Variants in CCDC141 observed in about 807,000 individuals in gnomAD.
CCDC141 encodes the protein coiled-coil domain-containing protein 141.
In CCDC141, 168 loss-of-function variants were observed where a neutral mutation model predicts 181.0. The ratio of observed to expected loss-of-function variants is 0.93; its 90% confidence interval spans 0.82 to 1.05. The LOEUF (loss-of-function observed/expected upper bound fraction) is 1.05, where lower values mean the gene tolerates loss of function less well. Among genes scored for constraint, CCDC141 ranks in the 50% least tolerant of loss-of-function variants. The probability of loss-of-function intolerance (pLI) is 0.00; values close to 1 mark genes in which losing one functional copy is unlikely to be tolerated. For missense variants in CCDC141, 1,902 were observed against 1,788.5 expected (o/e 1.06, Z -1.14); for synonymous variants, 666 against 642.3 (o/e 1.04, Z -0.56).
chr2:178,976,041 G>C (rs1301736392), intron 3 of CCDC141, among the ~76,000 whole-genome samples: 2 of 152,104 alleles, frequency 1.3e-5, no homozygotes, highest in African/African-American at 4.8e-5. Flanking sequence ...TTTCTCCATA[G>C]AGGCAGTGGG....
At chr2:178,891,773 A>ATC (rs34185031) in intron 8 of CCDC141, among the ~76,000 whole-genome samples, 5,574 of 149,352 alleles carry the variant, frequency 0.037, 275 homozygotes, top group African/African-American at 0.11. Context: ...ATCATATAGG[A>ATC]TCTCTCTCTC....
chr2:178,986,005 A>G (rs1472706244), intron 2 of CCDC141, among the ~76,000 whole-genome samples: 2 of 152,210 alleles, frequency 1.3e-5, no homozygotes, highest in African/African-American at 4.8e-5. Flanking sequence ...CCGGGCAGAG[A>G]CACAACCAAA....
rs539471650 is a variant in CCDC141, at chr2:178,997,474, C to T, written c.226-18799G>A. Among the ~76,000 whole-genome samples, 31 of 152,246 alleles carry T rather than the reference C, an allele frequency of 2.0e-4. 1 individual carries two copies. The South Asian group carries it at 5.0e-3, about 25-fold the overall frequency. On this transcript the variant is annotated intron_variant, in intron 2 of 23. Transcript: ENST00000443758. ...ATGGAGACAGCTACAGGGCATGATA[C>T]CCCAGCATGCCAATGATAATGATTT...
chr2:178,816,948 A>G, the CCDC141 span, among the ~76,000 whole-genome samples: 1 of 152,164 alleles, frequency 6.6e-6, no homozygotes, highest in East Asian at 1.9e-4. Context: ...ACCTAAGAGA[A>G]ATAAGGAATG....
chr2:178,826,821 CAT>C (rs1011433028), downstream of CCDC141, among the ~76,000 whole-genome samples: 10 of 151,930 alleles, frequency 6.6e-5, no homozygotes, highest in Non-Finnish European at 1.5e-4. Context: ...CTTTTGGTCT[CAT>C]TGATTTTCTC....
downstream of CCDC141, among the ~76,000 whole-genome samples, chr2:178,827,715 G>A (rs1403854846): frequency 6.6e-6 from 1 of 152,076 alleles, no homozygotes. Context: ...TCTAGCAATG[G>A]TCTCTGGGAA....
chr2:178,872,272 T>A lies in CCDC141; in HGVS notation c.1940A>T (p.Tyr647Phe). ...NEILDVKNEV[Y>F]LMKNTMENQK... is the part of the protein sequence containing the mutation. ...GTTTTCCATGGTGTTCTTCATGAGG[T>A]ACACTTCATTTTTCACATCTAATAT... Residue 647 changes from tyrosine to phenylalanine, a missense_variant, in exon 13 of 24, where the codon TAC (tyrosine) becomes TTC (phenylalanine). Tyr to Phe is a conservative substitution (Grantham distance 22). Coordinates refer to ENST00000443758, the MANE Select transcript of CCDC141 (RefSeq NM_173648.4). 1 of 1,613,800 alleles carries A rather than the reference T, an allele frequency of 6.2e-7. No individual in the cohort carries two copies. The highest frequency in any genetic ancestry group is 8.5e-7 in the Non-Finnish European group (1 of 1,179,852).
At chr2:179,015,067 GATATATATATAT>G (rs1177070237) in intron 2 of CCDC141, among the ~76,000 whole-genome samples, 1,007 of 39,606 alleles carry the variant, frequency 0.025, 47 homozygotes, top group African/African-American at 0.062. Flanking sequence ...GAGAGACAGA[GATATATATATAT>G]ATATATATAT....
chr2:178,908,050 T>G (rs1424505055), intron 7 of CCDC141, among the ~76,000 whole-genome samples: 1 of 151,992 alleles, frequency 6.6e-6, no homozygotes, highest in East Asian at 1.9e-4. Context: ...AGAAGATGAT[T>G]TAATGACTTT....
intron 2 of CCDC141, among the ~76,000 whole-genome samples, chr2:179,000,200 T>C (rs1315565827): frequency 6.6e-6 from 1 of 152,022 alleles, no homozygotes; most frequent in Non-Finnish European, 1.5e-5. Flanking sequence ...TAAGAATGGC[T>C]TTTGCATTTT....
chr2:178,872,409 A>G, intron 12 of CCDC141, 97 bp from the exon 13 acceptor site: 2 of 1,144,092 alleles, frequency 1.7e-6, no homozygotes, highest in South Asian at 1.6e-5. Flanking sequence ...CTTTATCACA[A>G]CCAAAGCCGA....
At chr2:178,970,242 G>T (rs1690823686) in intron 4 of CCDC141, among the ~76,000 whole-genome samples, 1 of 152,172 alleles carries the variant, frequency 6.6e-6, no homozygotes, top group Admixed American at 6.5e-5. Flanking sequence ...AGCTACCACT[G>T]ACTTTCTTCA....
chr2:178,851,953 G>A (rs999491980), intron 20 of CCDC141, among the ~76,000 whole-genome samples: 1 of 152,158 alleles, frequency 6.6e-6, no homozygotes, highest in Non-Finnish European at 1.5e-5. Context: ...CTCCCTTGAT[G>A]CAAATTTTAA....
At chr2:178,851,331 C>T in intron 20 of CCDC141, among the ~76,000 whole-genome samples, 1 of 152,090 alleles carries the variant, frequency 6.6e-6, no homozygotes, top group African/African-American at 2.4e-5. Context: ...TTGTTATGGG[C>T]TGAACTATGT....
chr2:179,034,132 G>T (rs886694218), intron 2 of CCDC141, among the ~76,000 whole-genome samples: 3 of 152,076 alleles, frequency 2.0e-5, no homozygotes, highest in Non-Finnish European at 4.4e-5. Context: ...AGAAAATGTG[G>T]TATATAAACA....
At chr2:178,871,805 G>C (rs1279853555) in intron 13 of CCDC141, among the ~76,000 whole-genome samples, 1 of 152,002 alleles carries the variant, frequency 6.6e-6, no homozygotes, top group East Asian at 1.9e-4. Context: ...GTACAGTTCA[G>C]AGGCATGATA....
In CCDC141 at chr2:178,837,272, C is replaced by A. The variant is rs1684519287; in HGVS notation, c.3947G>T (p.Ser1316Ile). Residue 1316 changes from serine to isoleucine, a missense_variant, in exon 23 of 24, where the codon AGT becomes ATT. Ser to Ile is a moderately radical substitution (Grantham distance 142, BLOSUM62 -2). Transcript: ENST00000443758. ...CATCATGCTCTCTGGATGTTCAGCA[C>A]TGATTCTGTGTAAGGCAGTACTCTT... ...VEKSTALHRI[S>I]AEHPESMMSE... The A allele has an allele frequency of 6.2e-7, 1 of 1,614,018 alleles. No homozygotes were observed. The highest frequency in any genetic ancestry group is 1.3e-5 in the African/African-American group (1 of 74,934).
intron 19 of CCDC141, among the ~76,000 whole-genome samples, chr2:178,854,935 C>T (rs188908403): frequency 3.9e-5 from 6 of 152,238 alleles, no homozygotes; most frequent in Admixed American, 2.6e-4. Flanking sequence ...CTTTTTGTAG[C>T]TGAAAAATCA....
chr2:179,047,247 T>C, intron 2 of CCDC141, 37 bp downstream of exon 2: 3 of 1,493,476 alleles, frequency 2.0e-6, no homozygotes, highest in Non-Finnish European at 2.7e-6. Flanking sequence ...TTTATGTCTC[T>C]TTAATTTTGT....
Sources: allele counts gnomAD v4.1 joint callset (sites outside exome capture counted in the v4.1 genomes callset), GRCh38; gene constraint gnomAD v4.1.1; transcripts MANE v1.5; gene names NCBI Gene and HGNC (gene_info 2026-07-23, HGNC 2026-07-21).